LMO7: variants seen among roughly 807,000 people sequenced by gnomAD.
The protein encoded by LMO7 is LIM domain only protein 7.
In LMO7, 120 loss-of-function variants were observed where a neutral mutation model predicts 206.5. The observed-to-expected ratio is 0.58, with a 90% CI of 0.50 to 0.68. The LOEUF is 0.68. Among genes scored for constraint, LMO7 ranks in the 30% least tolerant of loss-of-function variants. The pLI is 0.00. For missense variants in LMO7, 1,959 were observed against 1,957.9 expected, an observed-to-expected ratio of 1.00 and a Z score of -0.01; for synonymous variants, 706 against 681.5, an observed-to-expected ratio of 1.04 and a Z score of -0.56.
intron 4 of LMO7, among the ~76,000 whole-genome samples, chr13:75,774,516 G>A (rs919551372): frequency 3.9e-5 from 6 of 151,934 alleles, no homozygotes; most frequent in South Asian, 2.1e-4. Flanking sequence ...CATTCTCCTC[G>A]ACATTTAATA....
chr13:75,804,684 A>G (rs1224496836), intron 8 of LMO7, 143 bp downstream of exon 8: 3 of 1,140,250 alleles, frequency 2.6e-6, no homozygotes, highest in Admixed American at 2.6e-5. Flanking sequence ...TCATCCCTCT[A>G]TTTTTAGTTA....
At chr13:75,837,367 C>T (rs12875653) in intron 19 of LMO7, among the ~76,000 whole-genome samples, 282 of 152,282 alleles carry the variant, frequency 1.9e-3, no homozygotes, top group Non-Finnish European at 3.7e-3. Flanking sequence ...TCCTATTCCG[C>T]AGTGACTCAG....
rs1347879930 is a variant in LMO7 at position 75,849,189 on chromosome 13, G to A, written c.4261G>A (p.Glu1421Lys). The change falls in exon 27 of 31, where the codon GAA (glutamate) becomes AAA (lysine). Residue 1421 changes from glutamate to lysine, a missense_variant. By Grantham distance (56) the Glu-to-Lys change is moderately conservative. Coordinates refer to ENST00000377534, the MANE Select transcript of LMO7 (RefSeq NM_001306080.2). ...AELERQQILQ[E>K]MRKRTPLHND... ...ATTGGAGAGGCAACAAATCCTTCAG[G>A]AAATGAGGAAGAGAACACCCCTTCA... is the stretch of plus-strand genomic sequence containing the variant. The A allele has an allele frequency of 2.5e-6, 4 of 1,614,092 alleles. No individual in the cohort carries two copies. The Admixed American group carries it at 6.7e-5, about 27-fold the overall frequency.
At chr13:75,814,107 TATATGTCCTCATATATTCTCTCA>T (rs1255733867) in intron 11 of LMO7, among the ~76,000 whole-genome samples, 1 of 152,256 alleles carries the variant, frequency 6.6e-6, no homozygotes, top group African/African-American at 2.4e-5. Context: ...TCTATATTCA[TATATGTCCTCATATATTCTCTCA>T]ATATAATTTA....
chr13:75,727,558 G>A (rs972800215), intron 3 of LMO7, among the ~76,000 whole-genome samples: 10 of 152,016 alleles, frequency 6.6e-5, no homozygotes, highest in Middle Eastern at 3.4e-3. Flanking sequence ...CATATAATAT[G>A]TACTTATGTA....
chr13:75,680,032 C>A (rs982561970), intron 1 of LMO7, among the ~76,000 whole-genome samples: 1 of 152,200 alleles, frequency 6.6e-6, no homozygotes, highest in Non-Finnish European at 1.5e-5. Context: ...GCCCAGCATG[C>A]GTTAACTATT....
intron 3 of LMO7, among the ~76,000 whole-genome samples, chr13:75,735,150 T>G (rs1166121772): frequency 6.6e-6 from 1 of 150,952 alleles, no homozygotes; most frequent in East Asian, 1.9e-4. Context: ...TGTATGTATG[T>G]ACATACACAT....
chr13:75,823,662 A>G lies in LMO7; in HGVS notation c.2738A>G (p.Gln913Arg). The part of the protein sequence containing the change: ...STPAPSPDAS[Q>R]LASSLSSQKE... ...CCTGCACCAAGCCCGGACGCAAGCCAACTGGCTTCAAGCTTATCTAGCCAG... is the reference window on the plus strand; with the variant it reads ...CCTGCACCAAGCCCGGACGCAAGCCGACTGGCTTCAAGCTTATCTAGCCAG... Residue 913 changes from glutamine (Q) to arginine (R), a missense_variant, in exon 15 of 31, where the codon CAA becomes CGA. Transcript: ENST00000377534. 1 of 1,614,234 alleles carries G rather than the reference A, an allele frequency of 6.2e-7. No individual in the cohort carries two copies. Among genetic ancestry groups the G allele is most frequent in the Non-Finnish European group, 8.5e-7 (1 of 1,180,028 alleles).
chr13:75,842,804 G>A, intron 24 of LMO7, 47 bp from the exon 25 acceptor site: 1 of 1,174,300 alleles, frequency 8.5e-7, no homozygotes, highest in Non-Finnish European at 1.3e-6. Flanking sequence ...TCAGGGAAGG[G>A]CTTAAAGTCT....
chr13:75,760,941 A>G lies in LMO7; in HGVS notation c.220A>G (p.Asn74Asp), dbSNP rs759168728. ...STPIAGLDNI[N>D]VFLKACEQIG... ...CCACTTCTTTTCACAGGATAATATA[A>G]ACGTTTTCTTGAAAGCTTGTGAACA... The change falls in exon 4 of 31, where the codon AAC (asparagine) becomes GAC (aspartate). Residue 74 changes from asparagine to aspartate, a missense_variant. Physicochemically the swap from Asn to Asp is conservative, Grantham distance 23. Coordinates refer to ENST00000377534, the MANE Select transcript of LMO7 (RefSeq NM_001306080.2). 5 of 1,613,306 alleles carry G rather than the reference A, an allele frequency of 3.1e-6. No homozygotes were observed. The South Asian group carries it at 5.5e-5, about 18-fold the overall frequency.
chr13:75,633,175 T>G (rs1417364186), upstream of LMO7, among the ~76,000 whole-genome samples: 1 of 152,094 alleles, frequency 6.6e-6, no homozygotes, highest in Non-Finnish European at 1.5e-5. Context: ...ACTTAAAAGT[T>G]TTTGAATAGC....
At chr13:75,627,465 A>G (rs1054596990) in intron 2 of LMO7, 1 of 152,220 alleles carries the variant, frequency 6.6e-6, no homozygotes, top group Non-Finnish European at 1.5e-5. Flanking sequence ...TATTAATAAT[A>G]TAGTGCATAC....
chr13:75,841,005 A>T, intron 22 of LMO7, 104 bp from the exon 23 acceptor site: 1 of 689,420 alleles, frequency 1.5e-6, no homozygotes, highest in Non-Finnish European at 2.4e-6. Flanking sequence ...TGGTCTTTAA[A>T]GGTTTGAGGT....
At chr13:75,791,376 G>GT (rs1435267945) in intron 4 of LMO7, among the ~76,000 whole-genome samples, 1 of 152,122 alleles carries the variant, frequency 6.6e-6, no homozygotes, top group Non-Finnish European at 1.5e-5. Context: ...TTTGAAGTAG[G>GT]TTAATGCAAT....
intron 27 of LMO7, among the ~76,000 whole-genome samples, chr13:75,850,472 A>T (rs2139581647): frequency 6.6e-6 from 1 of 152,344 alleles, no homozygotes; most frequent in East Asian, 1.9e-4. Flanking sequence ...TTAATGGCAA[A>T]AGAAAAGAAA....
At chr13:75,756,736 A>G (rs901823111) in intron 3 of LMO7, among the ~76,000 whole-genome samples, 2 of 152,160 alleles carry the variant, frequency 1.3e-5, no homozygotes. Flanking sequence ...CTGACATTCA[A>G]GTTGAGAGGA....
intron 1 of LMO7, among the ~76,000 whole-genome samples, chr13:75,660,641 C>T (rs2038494903): frequency 6.6e-6 from 1 of 152,166 alleles, no homozygotes; most frequent in Non-Finnish European, 1.5e-5. Flanking sequence ...TTTGTTATTT[C>T]TGCTTTCTTT....
chr13:75,630,572 G>A (rs1426889630), intron 2 of LMO7, among the ~76,000 whole-genome samples: 2 of 152,194 alleles, frequency 1.3e-5, no homozygotes, highest in Non-Finnish European at 2.9e-5. Flanking sequence ...TACTCGGGAG[G>A]CTGAGGTGGG....
At chr13:75,842,955 T>A (rs1291069503) in intron 25 of LMO7, 39 bp downstream of exon 25, 1 of 1,245,322 alleles carries the variant, frequency 8.0e-7, no homozygotes, top group Non-Finnish European at 1.2e-6. Context: ...TTGATGATAA[T>A]GGCTTCAGAC....
Sources: gnomAD v4.1 joint callset for allele counts (sites outside exome capture counted in the v4.1 genomes callset) on GRCh38, gnomAD v4.1.1 for gene constraint, MANE v1.5 for transcripts, NCBI Gene and HGNC (gene_info 2026-07-23, HGNC 2026-07-21) for gene names.